The following HDAC9 variants were observed in gnomAD, a reference collection of about 807,000 sequenced individuals.
The protein encoded by HDAC9 is histone deacetylase 9.
A neutral mutation model predicts 139.4 loss-of-function variants in HDAC9; 41 were observed. The observed-to-expected ratio is 0.29, with a 90% CI of 0.23 to 0.38. HDAC9 has a LOEUF of 0.38. Ranked by LOEUF, HDAC9 falls within the 10% of genes least tolerant of loss-of-function variation. HDAC9 has a pLI of 1.00. For synonymous variants in HDAC9, 517 were observed against 476.2 expected (o/e 1.09, Z -1.12); for missense variants, 1,147 against 1,297.0 (o/e 0.88, Z 1.78).
At chr7:18,623,417 T>G (rs1840766546) in intron 6 of HDAC9, among the ~76,000 whole-genome samples, 1 of 151,982 alleles carries the variant, frequency 6.6e-6, no homozygotes, top group Non-Finnish European at 1.5e-5. Context: ...GCCATCTCTC[T>G]CTCTACTTAT....
intron 2 of HDAC9, among the ~76,000 whole-genome samples, chr7:18,561,475 A>T (rs1271366552): frequency 2.0e-5 from 3 of 152,188 alleles, no homozygotes; most frequent in African/African-American, 7.2e-5. Flanking sequence ...ACCCATTTAA[A>T]ATGTACAATT....
At chr7:18,830,004 T>G (rs1454532744) in intron 19 of HDAC9, among the ~76,000 whole-genome samples, 1 of 152,170 alleles carries the variant, frequency 6.6e-6, no homozygotes, top group African/African-American at 2.4e-5. Flanking sequence ...TCACTCTTAC[T>G]GAAAAGATCT....
intron 1 of HDAC9, among the ~76,000 whole-genome samples, chr7:18,106,413 A>G (rs1783205721): frequency 6.6e-6 from 1 of 151,870 alleles, no homozygotes; most frequent in South Asian, 2.1e-4. Context: ...AAACTCTTCC[A>G]AGAGTTCCAT....
intron 11 of HDAC9, among the ~76,000 whole-genome samples, chr7:18,658,032 G>A (rs537708522): frequency 4.6e-5 from 7 of 152,136 alleles, no homozygotes; most frequent in African/African-American, 9.6e-5. Context: ...CAACCTCCAC[G>A]TCTTCTCACG....
intron 17 of HDAC9, among the ~76,000 whole-genome samples, chr7:18,826,076 A>AT (rs1290403039): frequency 6.6e-6 from 1 of 152,122 alleles, no homozygotes; most frequent in Non-Finnish European, 1.5e-5. Flanking sequence ...AGTGACACAG[A>AT]TTTTAGAAGG....
chr7:18,349,245 G>GCACCTCTC (rs1426012406), intron 1 of HDAC9, among the ~76,000 whole-genome samples: 2 of 150,410 alleles, frequency 1.3e-5, no homozygotes, highest in African/African-American at 4.9e-5. Context: ...GGTAAGCTGT[G>GCACCTCTC]CACCTCTCCC....
At chr7:18,118,316 A>G (rs1252886689) in intron 1 of HDAC9, among the ~76,000 whole-genome samples, 4 of 152,230 alleles carry the variant, frequency 2.6e-5, no homozygotes, top group Admixed American at 2.0e-4. Flanking sequence ...GATGGGAAAT[A>G]TAGCAGATCC....
chr7:18,282,180 A>G (rs182836424), intron 2 of HDAC9, among the ~76,000 whole-genome samples: 178 of 152,340 alleles, frequency 1.2e-3, no homozygotes, highest in Non-Finnish European at 1.2e-3. Flanking sequence ...TAGTAGTTAC[A>G]GTAATTGTAT....
chr7:18,670,554 C>A lies in HDAC9; in HGVS notation c.1731+4078C>A, dbSNP rs10237624. Among the ~76,000 whole-genome samples the A allele has an allele frequency of 5.7e-3, 861 of 152,190 alleles. 13 individuals carry two copies. The highest frequency in any genetic ancestry group is 0.02 in the African/African-American group (828 of 41,552). On this transcript the variant is annotated intron_variant, in intron 12 of 25. Coordinates refer to ENST00000686413, the MANE Select transcript of HDAC9 (RefSeq NM_178425.4). Reference sequence around the variant, plus strand: ...TATCTATTAGCTCATTTGGTCCTCACAATAACCTGATGAAGGAGGTATTAT... The same window carrying A: ...TATCTATTAGCTCATTTGGTCCTCAAAATAACCTGATGAAGGAGGTATTAT...
chr7:18,891,191 C>G (rs1193028127), intron 22 of HDAC9, among the ~76,000 whole-genome samples: 2 of 152,160 alleles, frequency 1.3e-5, no homozygotes, highest in African/African-American at 4.8e-5. Flanking sequence ...TCCTTATGCA[C>G]AATATTTCCT....
intron 16 of HDAC9, among the ~76,000 whole-genome samples, chr7:18,786,836 A>C (rs5022871): frequency 0.27 from 17,282 of 64,884 alleles, 3,230 homozygotes; most frequent in Non-Finnish European, 0.32. Context: ...TCCTTCCTTC[A>C]TTCCTTCCTT....
intron 1 of HDAC9, among the ~76,000 whole-genome samples, chr7:18,108,069 A>G (rs554232714): frequency 3.9e-4 from 59 of 152,226 alleles, no homozygotes; most frequent in African/African-American, 1.4e-3. Context: ...CTTTCGGGGG[A>G]CCTGTGAAAA....
intron 2 of HDAC9, among the ~76,000 whole-genome samples, chr7:18,513,935 C>T (rs2128194930): frequency 6.6e-6 from 1 of 152,232 alleles, no homozygotes; most frequent in East Asian, 1.9e-4. Context: ...TTTAGAAACC[C>T]ATTCACTTCT....
chr7:18,261,160 T>G (rs202129152), intron 2 of HDAC9, among the ~76,000 whole-genome samples: 1 of 149,792 alleles, frequency 6.7e-6, no homozygotes. Context: ...AAAAAAAAAT[T>G]GGGTGTGCAT....
intron 24 of HDAC9, among the ~76,000 whole-genome samples, chr7:18,971,043 A>G (rs1784210710): frequency 6.6e-6 from 1 of 152,236 alleles, no homozygotes; most frequent in African/African-American, 2.4e-5. Flanking sequence ...CTGTTTACAG[A>G]GTACCTGCAG....
At chr7:18,372,799 TG>T in intron 1 of HDAC9, among the ~76,000 whole-genome samples, 1 of 152,318 alleles carries the variant, frequency 6.6e-6, no homozygotes, top group East Asian at 1.9e-4. Context: ...ATGTCAGTGA[TG>T]CCATGGTAGT....
At chr7:18,238,683 CAATTAAAG>C (rs766454968) in intron 2 of HDAC9, among the ~76,000 whole-genome samples, 3 of 152,070 alleles carry the variant, frequency 2.0e-5, no homozygotes, top group Non-Finnish European at 2.9e-5. Flanking sequence ...AAGGCTGAGC[CAATTAAAG>C]AAAACCCTGG....
At chr7:18,938,421 C>T (rs901686688) in intron 23 of HDAC9, among the ~76,000 whole-genome samples, 16 of 152,012 alleles carry the variant, frequency 1.1e-4, no homozygotes, top group African/African-American at 3.1e-4. Context: ...CTGTGAAACC[C>T]TGTCTCTACT....
chr7:18,508,123 T>G (rs1586466415), intron 2 of HDAC9, among the ~76,000 whole-genome samples: 1 of 152,316 alleles, frequency 6.6e-6, no homozygotes, highest in South Asian at 2.1e-4. Flanking sequence ...GGTTGGTTGT[T>G]CAATGGAATG....
Sources: gnomAD v4.1 joint callset for allele counts (sites outside exome capture counted in the v4.1 genomes callset) on GRCh38, gnomAD v4.1.1 for gene constraint, MANE v1.5 for transcripts, NCBI Gene and HGNC (gene_info 2026-07-23, HGNC 2026-07-21) for gene names.